ACBD4: variants seen among roughly 807,000 people sequenced by gnomAD.
The protein encoded by ACBD4 is acyl-CoA binding domain containing 4, also known as acyl-CoA-binding domain-containing protein 4.
ACBD4 carries 41 observed loss-of-function variants against 46.0 expected under a neutral mutation model. The observed-to-expected ratio is 0.89, with a 90% CI of 0.69 to 1.16. The LOEUF (loss-of-function observed/expected upper bound fraction) is 1.16, where lower values mean the gene tolerates loss of function less well. Among genes scored for constraint, ACBD4 ranks in the 50% most tolerant of loss-of-function variants. The probability of loss-of-function intolerance (pLI) is 0.00; values close to 1 mark genes in which losing one functional copy is unlikely to be tolerated. For synonymous variants in ACBD4, 162 were observed against 155.9 expected, an observed-to-expected ratio of 1.04 and a Z score of -0.29; for missense variants, 393 against 399.5, an observed-to-expected ratio of 0.98 and a Z score of 0.14.
At chr17:45,135,135 T>C (rs2054729399), upstream of ACBD4, among the ~76,000 whole-genome samples, 1 of 152,040 alleles carries the variant, frequency 6.6e-6, no homozygotes, top group African/African-American at 2.4e-5. Flanking sequence ...CCGGCTAATT[T>C]GTGTATTTTT....
intron 9 of ACBD4, among the ~76,000 whole-genome samples, chr17:45,142,342 G>A (rs554420254): frequency 1.0e-4 from 12 of 117,100 alleles, no homozygotes; most frequent in Non-Finnish European, 1.8e-4. Context: ...GCACTGAGCC[G>A]AGATCACGCC....
intron 9 of ACBD4, among the ~76,000 whole-genome samples, chr17:45,140,252 C>T (rs1324486059): frequency 6.6e-6 from 1 of 150,922 alleles, no homozygotes; most frequent in Admixed American, 6.6e-5. Flanking sequence ...GGCATGATCT[C>T]GGCTCACTGC....
chr17:45,142,389 C>CAAAA (rs1161132274), intron 9 of ACBD4, among the ~76,000 whole-genome samples: 532 of 28,654 alleles, frequency 0.019, 2 homozygotes, highest in Non-Finnish European at 0.021. Flanking sequence ...CAAGACTCCT[C>CAAAA]AAAAAAAAAA....
intron 8 of ACBD4, 151 bp downstream of exon 8, chr17:45,138,139 A>T (rs1049454890): frequency 3.6e-6 from 3 of 835,138 alleles, no homozygotes; most frequent in Non-Finnish European, 5.6e-6. Context: ...GCTGCCAACC[A>T]GCCAGATACC....
intron 6 of ACBD4, 143 bp from the exon 7 acceptor site, chr17:45,137,617 G>A: frequency 3.1e-6 from 4 of 1,305,602 alleles, no homozygotes; most frequent in Non-Finnish European, 4.4e-6. Context: ...CTTGCTTCTG[G>A]CGCCCATCTG....
At chr17:45,136,077 G>A in intron 1 of ACBD4, 31 bp from the exon 2 acceptor site, 1 of 1,535,698 alleles carries the variant, frequency 6.5e-7, no homozygotes, top group Non-Finnish European at 8.9e-7. Flanking sequence ...GGACCCTGGA[G>A]GCCCCCTCAC....
At chr17:45,137,584 G>C (rs1356492830) in intron 6 of ACBD4, 130 bp downstream of exon 6, 2 of 1,353,908 alleles carry the variant, frequency 1.5e-6, no homozygotes, top group Admixed American at 3.5e-5. Flanking sequence ...GGGGACCGGG[G>C]TCTAGGATTC....
rs1249515201 is a variant in ACBD4 at position 45,136,488 on chromosome 17, C to T, written c.89-12C>T. ...GTGATGCTTTGCCCTGGCTTCCCAA[C>T]TCTCTGCCCAGGTTCTTACCGCCCC... On this transcript the variant is annotated splice_polypyrimidine_tract_variant and intron_variant, in intron 2 of 9. Coordinates refer to ENST00000321854, the MANE Select transcript of ACBD4 (RefSeq NM_001135705.3). 15 of 1,609,242 alleles carry T rather than the reference C, an allele frequency of 9.3e-6. No individual in the cohort carries two copies. Among genetic ancestry groups the T allele is most frequent in the South Asian group, 5.5e-5 (5 of 90,618 alleles).
At chr17:45,136,293 A>G in intron 2 of ACBD4, 61 bp downstream of exon 2, 10 of 1,599,316 alleles carry the variant, frequency 6.3e-6, no homozygotes, top group Non-Finnish European at 8.6e-6. Context: ...CTGACTCTGA[A>G]GAAAGAATGG....
chr17:45,143,449 C>T lies in ACBD4; in HGVS notation c.796C>T (p.Gln266Ter). Residue 266 changes from glutamine (Q) to a stop codon, truncating the protein, a stop_gained, in exon 10 of 10, where the codon CAG becomes TAG. Transcript: ENST00000321854. LOFTEE classifies it high-confidence loss of function. The stretch of plus-strand genomic sequence containing the variant: ...CCCTCCCTCTTGGCTGCAGAGGCCG[C>T]AGCCCAGGCCCAGTGCTCGGCCATG... ...SMPRPPEQRP[Q>*]PRPSARPWPL... The T allele has an allele frequency of 1.2e-6, 2 of 1,608,518 alleles. No homozygotes were observed. Among genetic ancestry groups the T allele is most frequent in the Non-Finnish European group, 1.7e-6 (2 of 1,178,848 alleles).
At chr17:45,137,605 G>T (rs1425080198) in intron 6 of ACBD4, 151 bp downstream of exon 6, 5 of 1,307,504 alleles carry the variant, frequency 3.8e-6, no homozygotes, top group Admixed American at 3.4e-5. Flanking sequence ...CTGTTCCAGG[G>T]CCTTGCTTCT....
At chr17:45,143,249 G>T (rs2055405160) in intron 9 of ACBD4, among the ~76,000 whole-genome samples, 194 bp from the exon 10 acceptor site, 1 of 152,228 alleles carries the variant, frequency 6.6e-6, no homozygotes, top group South Asian at 2.1e-4. Context: ...TTGATACTGG[G>T]ATTGCCCTGG....
chr17:45,134,638 G>C (rs1242458320), upstream of ACBD4, among the ~76,000 whole-genome samples: 1 of 152,004 alleles, frequency 6.6e-6, no homozygotes, highest in East Asian at 1.9e-4. Flanking sequence ...TTAGCTGGGC[G>C]TGGTGGCGAG....
upstream of ACBD4, among the ~76,000 whole-genome samples, chr17:45,133,524 T>C (rs7210743): frequency 0.057 from 1,694 of 29,926 alleles, 41 homozygotes; most frequent in East Asian, 0.13. Context: ...AATTTTCTTT[T>C]TTTTTTTTTT....
intron 9 of ACBD4, among the ~76,000 whole-genome samples, chr17:45,140,389 C>T (rs894251901): frequency 6.6e-6 from 1 of 150,630 alleles, no homozygotes; most frequent in African/African-American, 2.4e-5. Flanking sequence ...CACCACGGTC[C>T]CCAGGATGGT....
rs762235188 is a variant in ACBD4, at chr17:45,139,017, G to A, written c.650-4G>A. On this transcript the variant is annotated splice_region_variant and splice_polypyrimidine_tract_variant and intron_variant, in intron 8 of 9. Coordinates refer to ENST00000321854, the MANE Select transcript of ACBD4 (RefSeq NM_001135705.3). ...CCCCTTCCCTGTGTGTCTGTGCTCCGCAGAGGGGTTGCGGGGCAGCCCGCC... is the reference window on the plus strand; with the variant it reads ...CCCCTTCCCTGTGTGTCTGTGCTCCACAGAGGGGTTGCGGGGCAGCCCGCC... 4.3e-6 allele frequency: 7 copies of A among 1,612,408 alleles called. No homozygotes were observed. Among genetic ancestry groups the A allele is most frequent in the East Asian group, 2.2e-5 (1 of 44,882 alleles).
chr17:45,136,863 TG>T, intron 4 of ACBD4, 87 bp downstream of exon 4: 1 of 1,586,756 alleles, frequency 6.3e-7, no homozygotes, highest in Non-Finnish European at 8.6e-7. Context: ...TTCCTACACA[TG>T]GACCCCCTCA....
upstream of ACBD4, chr17:45,132,229 C>A: frequency 1.6e-6 from 2 of 1,262,918 alleles, no homozygotes; most frequent in East Asian, 3.0e-5. This position sits in a 1 kb window ranked among gnomAD's most constrained non-coding sequence, Gnocchi z 4.6. Flanking sequence ...CACCCCACCG[C>A]CCCTTGCCCG....
Position 45,139,147 on chromosome 17 carries a change from G to A in ACBD4, c.776G>A (p.Arg259Gln), listed in dbSNP as rs769377488. ...ARVQSLESMP[R>Q]PPEQRPQPRP... is the part of the protein sequence containing the mutation. ...GTGCAGAGCCTGGAGAGCATGCCCC[G>A]GCCCCCTGAGCAGGTAGAGTCCCCC... Residue 259 changes from arginine to glutamine, a missense_variant, in exon 9 of 10, where the codon CGG (arginine) becomes CAG (glutamine). Arg to Gln is a conservative substitution (Grantham distance 43). Around this residue, in one of 3 missense-constraint regions of ACBD4, gnomAD observed 308 missense variants for 301.8 expected, o/e 1.02. Transcript: ENST00000321854. The A allele has an allele frequency of 5.0e-6, 8 of 1,613,438 alleles. No homozygotes were observed. Among genetic ancestry groups the A allele is most frequent in the East Asian group, 2.2e-5 (1 of 44,898 alleles).
Sources: allele counts gnomAD v4.1 joint callset (sites outside exome capture counted in the v4.1 genomes callset), GRCh38; gene constraint gnomAD v4.1.1; regional missense constraint gnomAD v4.1.1; non-coding constraint Gnocchi (gnomAD v3.1); transcripts MANE v1.5; gene names NCBI Gene and HGNC (gene_info 2026-07-23, HGNC 2026-07-21).